The following TSPEAR variants were observed in gnomAD, a reference collection of about 807,000 sequenced individuals.
TSPEAR encodes thrombospondin type laminin G domain and EAR repeats, also known as thrombospondin-type laminin G domain and EAR repeat-containing protein.
A neutral mutation model predicts 71.6 loss-of-function variants in TSPEAR; 69 were observed. The ratio of observed to expected loss-of-function variants is 0.96; its 90% confidence interval spans 0.79 to 1.18. The LOEUF (loss-of-function observed/expected upper bound fraction) is 1.18. Ranked by LOEUF, TSPEAR falls within the 50% of genes most tolerant of loss-of-function variation. The pLI, the probability that TSPEAR is intolerant of heterozygous loss-of-function variation, is 0.00. For synonymous variants in TSPEAR, 402 were observed against 387.2 expected, an observed-to-expected ratio of 1.04 and a Z score of -0.45; for missense variants, 971 against 894.9, an observed-to-expected ratio of 1.09 and a Z score of -1.09.
chr21:44,511,932 C>T (rs1373388637), intron 9 of TSPEAR, among the ~76,000 whole-genome samples: 2 of 152,222 alleles, frequency 1.3e-5, no homozygotes, highest in African/African-American at 2.4e-5. Flanking sequence ...AGTGAGGTGC[C>T]CTCCCTGCCC....
intron 2 of TSPEAR, among the ~76,000 whole-genome samples, chr21:44,545,555 G>T (rs2053291137): frequency 6.6e-6 from 1 of 152,016 alleles, no homozygotes; most frequent in Non-Finnish European, 1.5e-5. Flanking sequence ...CAAACTCATA[G>T]AAACTATCTT....
intron 1 of TSPEAR, among the ~76,000 whole-genome samples, chr21:44,704,883 C>A (rs1421809645): frequency 6.6e-6 from 1 of 152,138 alleles, no homozygotes; most frequent in Non-Finnish European, 1.5e-5. Flanking sequence ...CCTCCGGGAG[C>A]GCAGTTTAAC....
chr21:44,521,760 G>T (rs1380025646), intron 9 of TSPEAR, 123 bp downstream of exon 9: 2 of 916,402 alleles, frequency 2.2e-6, no homozygotes, highest in Non-Finnish European at 3.3e-6. Context: ...GGGGTCACGG[G>T]TGCAGAGCAG....
intron 9 of TSPEAR, among the ~76,000 whole-genome samples, chr21:44,512,495 A>C (rs998211631): frequency 1.3e-5 from 2 of 151,998 alleles, no homozygotes; most frequent in Non-Finnish European, 2.9e-5. Flanking sequence ...TTCCCTAGGC[A>C]TGGGTGGCAC....
chr21:44,533,301 C>T (rs1241935509), intron 3 of TSPEAR, among the ~76,000 whole-genome samples: 1 of 152,232 alleles, frequency 6.6e-6, no homozygotes, highest in Non-Finnish European at 1.5e-5. Context: ...GAGCCTGCCT[C>T]ACCCCATGCA....
At chr21:44,514,228 C>T (rs2052485894) in intron 9 of TSPEAR, among the ~76,000 whole-genome samples, 1 of 152,236 alleles carries the variant, frequency 6.6e-6, no homozygotes, top group Admixed American at 6.5e-5. Flanking sequence ...ACAGCCAGGC[C>T]TCATGAGGGT....
intron 1 of TSPEAR, chr21:44,690,490 A>G: frequency 1.1e-6 from 1 of 943,458 alleles, no homozygotes; most frequent in Non-Finnish European, 1.3e-6. Context: ...ACAAGCAATA[A>G]AAATCAGATT....
chr21:44,584,826 C>G lies in TSPEAR; in HGVS notation c.83-16821G>C, dbSNP rs80295588. 2.7e-4 allele frequency among the ~76,000 whole-genome samples: 41 copies of G among 152,290 alleles called. No homozygotes were observed. In the East Asian group the frequency reaches 6.0e-3, roughly 22 times the overall value. ...TCTTTCAATACCATTTCCATATTTT[C>G]CTGGACATCATTGTATTAAAAGTTT... On this transcript the variant is annotated intron_variant, in intron 1 of 11. Coordinates refer to ENST00000323084, the MANE Select transcript of TSPEAR (RefSeq NM_144991.3).
At chr21:44,595,012 G>A (rs1250141110) in intron 1 of TSPEAR, among the ~76,000 whole-genome samples, 2 of 151,976 alleles carry the variant, frequency 1.3e-5, no homozygotes, top group African/African-American at 4.8e-5. Context: ...AGTAGAGACA[G>A]GGTTTCACCA....
chr21:44,540,957 G>A lies in TSPEAR; in HGVS notation c.304-7034C>T, dbSNP rs115533098. On this transcript the variant is annotated intron_variant, in intron 2 of 11. Coordinates refer to ENST00000323084, the MANE Select transcript of TSPEAR (RefSeq NM_144991.3). Reference sequence around the variant, plus strand: ...TTCAACCATAGATAACTCAAGTCCCGTTATCAATATTCTTAAATTTATTTT... The same window carrying A: ...TTCAACCATAGATAACTCAAGTCCCATTATCAATATTCTTAAATTTATTTT... 1.9e-3 allele frequency among the ~76,000 whole-genome samples: 291 copies of A among 152,102 alleles called. 4 individuals are homozygous for A. The highest frequency in any genetic ancestry group is 0.014 in the Middle Eastern group (4 of 294).
At chr21:44,635,257 A>G (rs972020034) in intron 1 of TSPEAR, among the ~76,000 whole-genome samples, 2 of 151,192 alleles carry the variant, frequency 1.3e-5, no homozygotes, top group Non-Finnish European at 2.9e-5. Flanking sequence ...GAGGCAGGAG[A>G]ATCACTTGTA....
At chr21:44,605,420 A>G (rs1981244338) in intron 1 of TSPEAR, among the ~76,000 whole-genome samples, 1 of 152,240 alleles carries the variant, frequency 6.6e-6, no homozygotes, top group African/African-American at 2.4e-5. Flanking sequence ...ATCAATTTCA[A>G]TATCATTTTT....
Position 44,612,876 on chromosome 21 carries a change from G to C in TSPEAR, c.83-44871C>G. On this transcript the variant is annotated intron_variant, in intron 1 of 11. Coordinates refer to ENST00000323084, the MANE Select transcript of TSPEAR (RefSeq NM_144991.3). This position sits in a 1 kb window ranked among gnomAD's most constrained non-coding sequence, Gnocchi z 4.1. ...CGCCCCGCGTGCTCCCGCCTGGCCT[G>C]CTGAGGCCTCTGCTCAGGCCAGGAG... 5.0e-6 allele frequency: 8 copies of C among 1,611,204 alleles called. No individual in the cohort carries two copies. Among genetic ancestry groups the C allele is most frequent in the Non-Finnish European group, 6.8e-6 (8 of 1,179,628 alleles).
At chr21:44,504,980 C>T (rs781968059) in intron 10 of TSPEAR, 99 bp from the exon 11 acceptor site, 59 of 880,758 alleles carry the variant, frequency 6.7e-5, no homozygotes, top group African/African-American at 4.0e-4. Flanking sequence ...GAGGAGGAGC[C>T]GGGGCCAAAG....
intron 9 of TSPEAR, chr21:44,518,980 T>TC (rs2052672259): frequency 5.1e-6 from 1 of 194,946 alleles, no homozygotes; most frequent in African/African-American, 2.3e-5. Flanking sequence ...TGTGCCCAAG[T>TC]CCCCAAGCCA....
intron 2 of TSPEAR, among the ~76,000 whole-genome samples, chr21:44,563,115 T>C (rs761170806): frequency 4.4e-4 from 67 of 152,102 alleles, no homozygotes; most frequent in Non-Finnish European, 7.2e-4. Flanking sequence ...AACAAAGCTA[T>C]ATCGTGCAAA....
At chr21:44,595,561 G>C (rs782744656) in intron 1 of TSPEAR, among the ~76,000 whole-genome samples, 1 of 152,162 alleles carries the variant, frequency 6.6e-6, no homozygotes, top group Admixed American at 6.5e-5. Flanking sequence ...TCTGTAAGAC[G>C]TGCTGGAGCC....
intron 1 of TSPEAR, among the ~76,000 whole-genome samples, chr21:44,651,461 A>T (rs895825070): frequency 1.3e-5 from 2 of 152,206 alleles, no homozygotes; most frequent in Non-Finnish European, 2.9e-5. Flanking sequence ...GCTAAAATCA[A>T]GGCATGGGCA....
At chr21:44,609,108 A>G (rs1231395193) in intron 1 of TSPEAR, among the ~76,000 whole-genome samples, 1 of 152,216 alleles carries the variant, frequency 6.6e-6, no homozygotes, top group Non-Finnish European at 1.5e-5. Context: ...ATTGAACCAT[A>G]AAACAAAAGA....
Sources: allele counts gnomAD v4.1 joint callset (sites outside exome capture counted in the v4.1 genomes callset), GRCh38; gene constraint gnomAD v4.1.1; non-coding constraint Gnocchi (gnomAD v3.1); transcripts MANE v1.5; gene names NCBI Gene and HGNC (gene_info 2026-07-23, HGNC 2026-07-21).